The following PLD1 variants were observed in gnomAD, a reference collection of about 807,000 sequenced individuals.
PLD1 encodes phospholipase D1.
PLD1 carries 112 observed loss-of-function variants against 137.1 expected under a neutral mutation model. The observed-to-expected ratio is 0.82, with a 90% CI of 0.70 to 0.96. The LOEUF (loss-of-function observed/expected upper bound fraction) is 0.96, where lower values mean the gene tolerates loss of function less well. PLD1 is among the 40% of genes least tolerant of loss of function. PLD1 has a pLI of 0.00. For missense variants in PLD1, 1,321 were observed against 1,342.0 expected (o/e 0.98, Z 0.24); for synonymous variants, 431 against 454.7 (o/e 0.95, Z 0.66).
At chr3:171,730,063 A>G (rs1718815551) in intron 6 of PLD1, among the ~76,000 whole-genome samples, 1 of 152,208 alleles carries the variant, frequency 6.6e-6, no homozygotes, top group Non-Finnish European at 1.5e-5. Context: ...AATCTCAGGT[A>G]TGAAAAAGGT....
intron 21 of PLD1, among the ~76,000 whole-genome samples, chr3:171,652,596 T>G (rs1736874486): frequency 6.6e-6 from 1 of 151,632 alleles, no homozygotes; most frequent in Non-Finnish European, 1.5e-5. Context: ...AATAAAACAT[T>G]CATCTGATTT....
chr3:171,648,182 G>T (rs1341027086), intron 21 of PLD1, among the ~76,000 whole-genome samples: 1 of 152,090 alleles, frequency 6.6e-6, no homozygotes, highest in Non-Finnish European at 1.5e-5. Flanking sequence ...TACAGTATCT[G>T]TGAGTCCCTG....
chr3:171,652,766 ATTTTTTTT>A (rs1174564536), intron 21 of PLD1, among the ~76,000 whole-genome samples: 9 of 75,628 alleles, frequency 1.2e-4, no homozygotes, highest in African/African-American at 5.3e-4. Context: ...ACACTCAGCT[ATTTTTTTT>A]TTTTTTTTTT....
intron 1 of PLD1, among the ~76,000 whole-genome samples, chr3:171,764,825 G>A (rs1452291703): frequency 1.3e-4 from 3 of 22,742 alleles, no homozygotes; most frequent in Non-Finnish European, 9.0e-5. Context: ...AAGAAAGAAA[G>A]AGAAAGAAAG....
At chr3:171,603,347 G>A (rs200633105) in intron 26 of PLD1, 45 bp from the exon 27 acceptor site, 37 of 1,315,098 alleles carry the variant, frequency 2.8e-5, no homozygotes, top group East Asian at 1.4e-4. Context: ...GTTTAAAAGC[G>A]AGCACATGGC....
chr3:171,709,633 G>A lies in PLD1; in HGVS notation c.988C>T (p.His330Tyr). 1.2e-6 allele frequency: 2 copies of A among 1,613,820 alleles called. No homozygotes were observed. The highest frequency in any genetic ancestry group is 1.7e-6 in the Non-Finnish European group (2 of 1,179,698). The change falls in exon 10 of 27, where the codon CAT becomes TAT. Residue 330 changes from histidine to tyrosine, a missense_variant. Coordinates refer to ENST00000351298, the MANE Select transcript of PLD1 (RefSeq NM_002662.5). ...GGAIEEFIQK[H>Y]GTNFLKDHRF... ...TGATCTTTGAGAAAGTTGGTGCCAT[G>A]TTTCTGGATGAATTCTTCTATAGCC...
In PLD1 at chr3:171,639,848, C is replaced by CTATATATATATATA. The variant is rs148607591; in HGVS notation, c.2593+2978_2593+2991dup. ...TCTCTCTCTCTCTCTCTCTCTCTCTCTATATATATATATATATCTCCTATT... is the reference window on the plus strand; with the variant it reads ...TCTCTCTCTCTCTCTCTCTCTCTCTCTATATATATATATATATATATATATATATATCTCCTATT... On this transcript the variant is annotated intron_variant, in intron 23 of 26. Coordinates refer to ENST00000351298, the MANE Select transcript of PLD1 (RefSeq NM_002662.5). 5.2e-4 allele frequency among the ~76,000 whole-genome samples: 57 copies of CTATATATATATATA among 110,186 alleles called. 1 individual carries two copies. Among genetic ancestry groups the CTATATATATATATA allele is most frequent in the African/African-American group, 2.1e-3 (54 of 25,482 alleles). 72.3% of individuals were successfully genotyped at this position (110,186 alleles called of 152,430 possible). A position where few individuals can be genotyped will look rare whatever the true frequency, so the allele number is the denominator to read the frequency against.
chr3:171,677,100 AT>A (rs1292640973), intron 17 of PLD1, among the ~76,000 whole-genome samples: 2 of 152,230 alleles, frequency 1.3e-5, no homozygotes, highest in Admixed American at 6.5e-5. Context: ...GTTGGTACAA[AT>A]TATCTAAGGC....
intron 17 of PLD1, 83 bp from the exon 18 acceptor site, chr3:171,676,916 AG>A: frequency 1.1e-6 from 1 of 899,020 alleles, no homozygotes; most frequent in Non-Finnish European, 1.8e-6. Flanking sequence ...TGAAACTAAA[AG>A]GAAACGTGGG....
chr3:171,605,113 C>T (rs1732102897), intron 26 of PLD1, among the ~76,000 whole-genome samples, 186 bp downstream of exon 26: 1 of 152,224 alleles, frequency 6.6e-6, no homozygotes. Flanking sequence ...AAACCAAAAT[C>T]CACAATGCTT....
chr3:171,785,197 T>C (rs747122321), intron 1 of PLD1, among the ~76,000 whole-genome samples: 1 of 152,244 alleles, frequency 6.6e-6, no homozygotes, highest in Non-Finnish European at 1.5e-5. Flanking sequence ...TTTATGTTTA[T>C]GTCTTACCTC....
intron 21 of PLD1, among the ~76,000 whole-genome samples, chr3:171,645,743 G>A (rs1345407167): frequency 6.6e-6 from 1 of 152,122 alleles, no homozygotes; most frequent in African/African-American, 2.4e-5. Flanking sequence ...AATTAGCCGG[G>A]CGTGGTGGCG....
chr3:171,661,097 A>G (rs181004133), intron 20 of PLD1, among the ~76,000 whole-genome samples: 47 of 152,290 alleles, frequency 3.1e-4, no homozygotes, highest in African/African-American at 1.0e-3. Flanking sequence ...TATCTATTCC[A>G]TGATGCCATT....
intron 23 of PLD1, among the ~76,000 whole-genome samples, chr3:171,629,800 G>A (rs1184414087): frequency 6.6e-6 from 1 of 152,164 alleles, no homozygotes; most frequent in East Asian, 1.9e-4. Context: ...TGGGAAAACT[G>A]GCTAGCCATA....
intron 1 of PLD1, among the ~76,000 whole-genome samples, chr3:171,780,541 CAA>C (rs71178237): frequency 0.37 from 55,059 of 150,302 alleles, 11,006 homozygotes; most frequent in Non-Finnish European, 0.43. Flanking sequence ...TAAAGGGGGC[CAA>C]AAAAAAAAAT....
intron 18 of PLD1, among the ~76,000 whole-genome samples, chr3:171,676,132 G>A (rs1376222952): frequency 2.6e-5 from 4 of 152,120 alleles, no homozygotes; most frequent in South Asian, 4.2e-4. Flanking sequence ...GTGGGCCACC[G>A]TGCCTGGCCT....
At chr3:171,689,666 A>C (rs528287857) in intron 13 of PLD1, among the ~76,000 whole-genome samples, 1 of 151,970 alleles carries the variant, frequency 6.6e-6, no homozygotes, top group African/African-American at 2.4e-5. Context: ...ATGCCTGGCT[A>C]ATCTTTTTGT....
intron 1 of PLD1, among the ~76,000 whole-genome samples, chr3:171,806,632 T>A (rs1723858477): frequency 1.3e-5 from 2 of 152,350 alleles, no homozygotes; most frequent in South Asian, 4.1e-4. Flanking sequence ...AAGAGACATA[T>A]CTTATGTGTT....
chr3:171,666,965 C>G (rs150897008), intron 19 of PLD1, among the ~76,000 whole-genome samples: 1 of 152,302 alleles, frequency 6.6e-6, no homozygotes, highest in Non-Finnish European at 1.5e-5. Flanking sequence ...GGGCCCAAGT[C>G]AAATGTATGG....
Sources: gnomAD v4.1 joint callset for allele counts (sites outside exome capture counted in the v4.1 genomes callset) on GRCh38, gnomAD v4.1.1 for gene constraint, MANE v1.5 for transcripts, NCBI Gene and HGNC (gene_info 2026-07-23, HGNC 2026-07-21) for gene names.